The following TMEM132D variants were observed in gnomAD, a reference collection of about 807,000 sequenced individuals.
TMEM132D encodes the protein mature OL transmembrane protein.
Under a neutral mutation model 62.3 loss-of-function variants are expected in TMEM132D, and 21 were observed. The observed-to-expected ratio is 0.34, with a 90% confidence interval of 0.24 to 0.49. The LOEUF (loss-of-function observed/expected upper bound fraction) is 0.49, where lower values mean the gene tolerates loss of function less well. TMEM132D is among the 20% of genes least tolerant of loss of function. The pLI, the probability that TMEM132D is intolerant of heterozygous loss-of-function variation, is 0.99. For synonymous variants in TMEM132D, 621 were observed against 575.6 expected (o/e 1.08, Z -1.13); for missense variants, 1,346 against 1,402.8 (o/e 0.96, Z 0.65).
intron 3 of TMEM132D, among the ~76,000 whole-genome samples, chr12:129,385,396 G>T (rs1004646670): frequency 3.3e-5 from 5 of 151,972 alleles, no homozygotes; most frequent in Non-Finnish European, 7.4e-5. Flanking sequence ...ATGAGCCACC[G>T]TGCTTGGCCC....
chr12:129,654,942 CCTTTT>C (rs1185173086), intron 2 of TMEM132D, among the ~76,000 whole-genome samples: 2 of 152,058 alleles, frequency 1.3e-5, no homozygotes, highest in African/African-American at 2.4e-5. Context: ...TCCTTGAATT[CCTTTT>C]CTTTTTTTTT....
intron 2 of TMEM132D, among the ~76,000 whole-genome samples, chr12:129,537,158 TAA>T (rs10635477): frequency 8.7e-6 from 1 of 114,352 alleles, no homozygotes; most frequent in Non-Finnish European, 1.7e-5. Context: ...AAACTCTGTC[TAA>T]AAAAAAAAAA....
chr12:129,878,881 C>CT (rs1874512384), intron 1 of TMEM132D, among the ~76,000 whole-genome samples: 2 of 152,098 alleles, frequency 1.3e-5, no homozygotes, highest in South Asian at 4.2e-4. Flanking sequence ...CAGATTGCTT[C>CT]TTGGAAGCAC....
intron 2 of TMEM132D, among the ~76,000 whole-genome samples, chr12:129,633,547 T>C (rs1879403553): frequency 1.3e-5 from 2 of 152,170 alleles, no homozygotes; most frequent in African/African-American, 4.8e-5. Flanking sequence ...TTAATACCCC[T>C]TGAAGTCAAG....
intron 1 of TMEM132D, among the ~76,000 whole-genome samples, chr12:129,843,875 G>A (rs1873275763): frequency 6.6e-6 from 1 of 151,980 alleles, no homozygotes; most frequent in Non-Finnish European, 1.5e-5. Context: ...GATTGCTTGA[G>A]CCCAGGAGTT....
At chr12:129,099,392 T>C (rs1165489522) in intron 5 of TMEM132D, among the ~76,000 whole-genome samples, 2 of 152,224 alleles carry the variant, frequency 1.3e-5, no homozygotes, top group Non-Finnish European at 2.9e-5. Flanking sequence ...AAGCTTTCCT[T>C]TGGCCCTCTG....
At position 129,239,424 on chromosome 12, in the gene TMEM132D, T is replaced by C. The variant is rs553701188; in HGVS notation, c.1300-29761A>G. On this transcript the variant is annotated intron_variant, in intron 4 of 8. Coordinates refer to ENST00000422113, the MANE Select transcript of TMEM132D (RefSeq NM_133448.3). The stretch of plus-strand genomic sequence containing the variant: ...AAGGGCCCAACTTCATTCTTTTGTG[T>C]GTAGACATACAGTTCTTCTGACACC... Among the ~76,000 whole-genome samples, 4 of 152,324 alleles carry C rather than the reference T, an allele frequency of 2.6e-5. No homozygotes were observed. The South Asian group carries it at 8.3e-4, about 32-fold the overall frequency.
chr12:129,546,544 G>C (rs1428595473), intron 2 of TMEM132D, among the ~76,000 whole-genome samples: 1 of 152,112 alleles, frequency 6.6e-6, no homozygotes, highest in Non-Finnish European at 1.5e-5. Context: ...GCAAGGCTAG[G>C]ATTTAAATTA....
intron 4 of TMEM132D, among the ~76,000 whole-genome samples, chr12:129,258,357 G>C (rs1880464063): frequency 6.6e-6 from 1 of 152,028 alleles, no homozygotes; most frequent in Non-Finnish European, 1.5e-5. Flanking sequence ...GGAGCATCAA[G>C]CACACATATT....
intron 3 of TMEM132D, among the ~76,000 whole-genome samples, chr12:129,343,661 C>A (rs1390135994): frequency 1.3e-5 from 2 of 151,710 alleles, no homozygotes; most frequent in Non-Finnish European, 2.9e-5. Flanking sequence ...CCTGTAATCC[C>A]AGCACTTTGG....
intron 5 of TMEM132D, among the ~76,000 whole-genome samples, chr12:129,198,079 T>C (rs1418440079): frequency 6.6e-6 from 1 of 152,178 alleles, no homozygotes; most frequent in Non-Finnish European, 1.5e-5. Flanking sequence ...AAACCATTCC[T>C]TGGTTTTAAT....
chr12:129,608,063 A>C (rs1191029073), intron 2 of TMEM132D, among the ~76,000 whole-genome samples: 1 of 152,180 alleles, frequency 6.6e-6, no homozygotes, highest in African/African-American at 2.4e-5. Context: ...AACACATTGC[A>C]AGAAGAATAG....
chr12:129,283,094 C>A (rs1881200309), intron 4 of TMEM132D, among the ~76,000 whole-genome samples: 1 of 152,188 alleles, frequency 6.6e-6, no homozygotes, highest in South Asian at 2.1e-4. Flanking sequence ...TTCACTGACT[C>A]ATTCATTCAT....
intron 3 of TMEM132D, among the ~76,000 whole-genome samples, chr12:129,513,072 G>A (rs1875542553): frequency 6.6e-6 from 1 of 152,204 alleles, no homozygotes. Context: ...GAATATCTGA[G>A]GCTGGGTAAC....
At chr12:129,534,624 A>G (rs1876328121) in intron 2 of TMEM132D, among the ~76,000 whole-genome samples, 1 of 152,060 alleles carries the variant, frequency 6.6e-6, no homozygotes, top group South Asian at 2.1e-4. Flanking sequence ...TGCTTATATG[A>G]CCCACCTCTC....
intron 5 of TMEM132D, among the ~76,000 whole-genome samples, chr12:129,186,552 G>A (rs1003977930): frequency 5.3e-5 from 8 of 152,110 alleles, no homozygotes; most frequent in South Asian, 2.1e-4. Context: ...GTCATCAAGC[G>A]CTCTGCTTAT....
intron 2 of TMEM132D, among the ~76,000 whole-genome samples, chr12:129,620,313 A>T (rs1879031070): frequency 6.6e-6 from 1 of 152,192 alleles, no homozygotes; most frequent in African/African-American, 2.4e-5. Context: ...AAAATATGTC[A>T]GGCCTGCAGA....
intron 1 of TMEM132D, among the ~76,000 whole-genome samples, chr12:129,785,038 C>T (rs528334767): frequency 1.4e-4 from 21 of 152,238 alleles, no homozygotes; most frequent in Admixed American, 1.4e-3. Context: ...TTTTCGTTGC[C>T]ATCGACATAT....
chr12:129,704,243 T>C (rs1881450620), intron 1 of TMEM132D, among the ~76,000 whole-genome samples: 1 of 152,222 alleles, frequency 6.6e-6, no homozygotes, highest in South Asian at 2.1e-4. Flanking sequence ...AAGAAAATAG[T>C]TGTCCGCTGA....
Sources: gnomAD v4.1 joint callset for allele counts (sites outside exome capture counted in the v4.1 genomes callset) on GRCh38, gnomAD v4.1.1 for gene constraint, MANE v1.5 for transcripts, NCBI Gene and HGNC (gene_info 2026-07-23, HGNC 2026-07-21) for gene names.